ARHGAP15: variants seen among roughly 807,000 people sequenced by gnomAD.
ARHGAP15 encodes rho GTPase-activating protein 15.
Under a neutral mutation model 63.7 loss-of-function variants are expected in ARHGAP15, and 51 were observed. The observed-to-expected ratio is 0.80, with a 90% CI of 0.64 to 1.01. The LOEUF is 1.01. ARHGAP15 is among the 50% of genes least tolerant of loss of function. ARHGAP15 has a pLI of 0.00. For missense variants in ARHGAP15, 560 were observed against 564.6 expected, an observed-to-expected ratio of 0.99 and a Z score of 0.08; for synonymous variants, 191 against 193.8, an observed-to-expected ratio of 0.99 and a Z score of 0.12.
At chr2:143,657,313 C>T (rs1574785282) in intron 12 of ARHGAP15, among the ~76,000 whole-genome samples, 1 of 152,210 alleles carries the variant, frequency 6.6e-6, no homozygotes, top group Admixed American at 6.5e-5. Flanking sequence ...CGCCACTGCA[C>T]TCCAGCCTGG....
chr2:143,741,705 TA>T (rs1334764784), intron 13 of ARHGAP15, among the ~76,000 whole-genome samples: 3 of 152,174 alleles, frequency 2.0e-5, no homozygotes, highest in Non-Finnish European at 2.9e-5. Context: ...GCTATTGTTT[TA>T]AAATGGCAGC....
At chr2:143,530,871 C>G (rs751980637) in intron 10 of ARHGAP15, among the ~76,000 whole-genome samples, 9 of 152,162 alleles carry the variant, frequency 5.9e-5, no homozygotes, top group Non-Finnish European at 1.3e-4. Context: ...GTTTACCTCT[C>G]CTTCTAATGA....
At chr2:143,219,483 G>T (rs544331780) in intron 4 of ARHGAP15, among the ~76,000 whole-genome samples, 11 of 152,306 alleles carry the variant, frequency 7.2e-5, no homozygotes, top group Non-Finnish European at 1.0e-4. Flanking sequence ...CATCTAAGTT[G>T]CCTCTAACTC....
intron 13 of ARHGAP15, among the ~76,000 whole-genome samples, chr2:143,709,291 C>T (rs1684470829): frequency 6.6e-6 from 1 of 152,140 alleles, no homozygotes; most frequent in South Asian, 2.1e-4. Flanking sequence ...TTTATGTACA[C>T]ATTATGCATG....
chr2:143,534,741 G>A (rs1694675785), intron 10 of ARHGAP15, among the ~76,000 whole-genome samples: 1 of 151,874 alleles, frequency 6.6e-6, no homozygotes, highest in African/African-American at 2.4e-5. Context: ...AAATAGCCAG[G>A]CGTGGTGGTG....
intron 12 of ARHGAP15, among the ~76,000 whole-genome samples, chr2:143,678,689 A>C (rs2105365791): frequency 6.6e-6 from 1 of 152,320 alleles, no homozygotes; most frequent in African/African-American, 2.4e-5. Context: ...TCATGATTCT[A>C]TATTCTGTGG....
chr2:143,239,824 C>G (rs1028347693), intron 5 of ARHGAP15, among the ~76,000 whole-genome samples: 5 of 151,952 alleles, frequency 3.3e-5, no homozygotes, highest in African/African-American at 1.2e-4. Context: ...AACCCCATCT[C>G]TACTAAAAAT....
intron 6 of ARHGAP15, among the ~76,000 whole-genome samples, chr2:143,286,355 TC>T (rs565265970): frequency 4.7e-4 from 71 of 152,330 alleles, no homozygotes; most frequent in African/African-American, 1.6e-3. Context: ...TCTGATCAGA[TC>T]CGTTTTTCCT....
intron 5 of ARHGAP15, among the ~76,000 whole-genome samples, chr2:143,230,434 G>C (rs943462585): frequency 3.3e-5 from 5 of 152,094 alleles, no homozygotes; most frequent in Non-Finnish European, 7.4e-5. Context: ...CATGCCTCTC[G>C]TTCAACCTTC....
intron 5 of ARHGAP15, among the ~76,000 whole-genome samples, chr2:143,248,643 C>A (rs73962384): frequency 6.6e-6 from 1 of 152,090 alleles, no homozygotes; most frequent in Admixed American, 6.6e-5. Flanking sequence ...TGTAAGATTT[C>A]ACAGAATCAT....
rs552694843 is a variant in ARHGAP15, at chr2:143,248,355, G to A, written c.385-2156G>A. On this transcript the variant is annotated intron_variant, in intron 5 of 13. Coordinates refer to ENST00000295095, the MANE Select transcript of ARHGAP15 (RefSeq NM_018460.4). Reference sequence around the variant, plus strand: ...GGCAAGATCACGTTTAACAGAGAAGGACAAAAACAAGATGAATATGTCTAT... The same window carrying A: ...GGCAAGATCACGTTTAACAGAGAAGAACAAAAACAAGATGAATATGTCTAT... 4.6e-5 allele frequency among the ~76,000 whole-genome samples: 7 copies of A among 152,274 alleles called. No individual in the cohort carries two copies. In the South Asian group the frequency reaches 1.5e-3, roughly 32 times the overall value.
chr2:143,318,743 C>G (rs566474956), intron 6 of ARHGAP15, among the ~76,000 whole-genome samples: 15 of 152,008 alleles, frequency 9.9e-5, no homozygotes, highest in Non-Finnish European at 2.1e-4. Context: ...TAAGTTAAGT[C>G]TCAGTCTCTA....
At chr2:143,406,210 A>G (rs1688192214) in intron 6 of ARHGAP15, among the ~76,000 whole-genome samples, 1 of 151,912 alleles carries the variant, frequency 6.6e-6, no homozygotes, top group African/African-American at 2.4e-5. Context: ...TAGAATTTTC[A>G]CCACATGCCC....
At chr2:143,635,790 G>T (rs1217745597) in intron 12 of ARHGAP15, among the ~76,000 whole-genome samples, 3 of 151,838 alleles carry the variant, frequency 2.0e-5, no homozygotes, top group Non-Finnish European at 4.4e-5. Context: ...TAGTGGTGCT[G>T]GTTTAAGAGT....
intron 10 of ARHGAP15, among the ~76,000 whole-genome samples, chr2:143,537,860 G>A (rs376849650): frequency 0.011 from 1,692 of 151,982 alleles, 29 homozygotes; most frequent in African/African-American, 0.038. Flanking sequence ...TTGGCAATGC[G>A]GGCTCTTTTT....
intron 3 of ARHGAP15, among the ~76,000 whole-genome samples, chr2:143,204,932 C>A (rs1244094257): frequency 6.6e-6 from 1 of 151,146 alleles, no homozygotes; most frequent in African/African-American, 2.4e-5. Context: ...CTTCCCTAAT[C>A]TCTCTTAAAA....
At chr2:143,372,470 A>C (rs1686605664) in intron 6 of ARHGAP15, among the ~76,000 whole-genome samples, 1 of 152,096 alleles carries the variant, frequency 6.6e-6, no homozygotes, top group Non-Finnish European at 1.5e-5. Context: ...TTGAATTTTA[A>C]AATTGCTTGT....
chr2:143,647,643 G>C (rs371058881), intron 12 of ARHGAP15, among the ~76,000 whole-genome samples: 1 of 152,092 alleles, frequency 6.6e-6, no homozygotes, highest in East Asian at 1.9e-4. Context: ...AAGCCAAAAA[G>C]ATCTCATTTG....
intron 6 of ARHGAP15, among the ~76,000 whole-genome samples, chr2:143,254,668 T>A (rs1680329637): frequency 6.6e-6 from 1 of 152,096 alleles, no homozygotes; most frequent in Non-Finnish European, 1.5e-5. Flanking sequence ...GTCATTAAAT[T>A]TAGTACTTAA....
Sources: allele counts gnomAD v4.1 joint callset (sites outside exome capture counted in the v4.1 genomes callset), GRCh38; gene constraint gnomAD v4.1.1; transcripts MANE v1.5; gene names NCBI Gene and HGNC (gene_info 2026-07-23, HGNC 2026-07-21).